NCK1: variants seen among roughly 807,000 people sequenced by gnomAD.
The protein encoded by NCK1 is NCK adaptor protein 1, also known as SH2/SH3 adapter protein NCK1.
A neutral mutation model predicts 36.6 loss-of-function variants in NCK1; 19 were observed. The ratio of observed to expected loss-of-function variants is 0.52; its 90% CI spans 0.36 to 0.76. The LOEUF is 0.76. Ranked by LOEUF, NCK1 falls within the 30% of genes least tolerant of loss-of-function variation. The pLI is 0.00. For missense variants in NCK1, 358 were observed against 445.6 expected (o/e 0.80, Z 1.77); for synonymous variants, 165 against 156.0 (o/e 1.06, Z -0.43).
chr3:136,873,699 G>A (rs1303419009), intron 1 of NCK1, among the ~76,000 whole-genome samples: 1 of 152,106 alleles, frequency 6.6e-6, no homozygotes, highest in African/African-American at 2.4e-5. Context: ...CTGGTGGGAG[G>A]TAATTGAATC....
chr3:136,895,500 G>A (rs181365082), intron 1 of NCK1, among the ~76,000 whole-genome samples: 6 of 151,578 alleles, frequency 4.0e-5, no homozygotes, highest in Admixed American at 3.3e-4. Flanking sequence ...TCTTTTCTCT[G>A]TTAATGTTTT....
chr3:136,922,785 A>G (rs1313842130), intron 1 of NCK1, among the ~76,000 whole-genome samples: 1 of 152,232 alleles, frequency 6.6e-6, no homozygotes, highest in Non-Finnish European at 1.5e-5. Flanking sequence ...TCACAAAATT[A>G]TACAAACTTT....
At chr3:136,888,356 A>G (rs73231937) in intron 1 of NCK1, among the ~76,000 whole-genome samples, 10,922 of 152,196 alleles carry the variant, frequency 0.072, 432 homozygotes, top group Non-Finnish European at 0.095. Flanking sequence ...AAAGTATACA[A>G]TTCAGCTTTT....
intron 2 of NCK1, among the ~76,000 whole-genome samples, chr3:136,943,219 T>C (rs1402048712): frequency 6.6e-6 from 1 of 152,250 alleles, no homozygotes; most frequent in Non-Finnish European, 1.5e-5. Context: ...TTGCATTCAT[T>C]GCTTTTTGCA....
Position 136,870,028 on chromosome 3 carries a change from GT to G in NCK1, c.-19+7697del, listed in dbSNP as rs749807329. 3.5e-3 allele frequency among the ~76,000 whole-genome samples: 339 copies of G among 96,810 alleles called. 1 individual carries two copies. Among genetic ancestry groups the G allele is most frequent in the African/African-American group, 0.011 (262 of 23,812 alleles). The allele number at this position is 96,810 out of a possible 152,430, so 63.5% of individuals were successfully genotyped here. Reference sequence around the variant, plus strand: ...TTAAAAGAATGGATGTTTCTCAAAAGTTTTTTTTTTTTTTTTTTTTTTAAAA... The same window carrying G: ...TTAAAAGAATGGATGTTTCTCAAAAGTTTTTTTTTTTTTTTTTTTTTAAAA... On this transcript the variant is annotated intron_variant, in intron 1 of 3. Coordinates refer to ENST00000481752, the MANE Select transcript of NCK1 (RefSeq NM_001291999.2).
At chr3:136,932,073 T>C (rs1430499898) in intron 2 of NCK1, among the ~76,000 whole-genome samples, 7 of 148,730 alleles carry the variant, frequency 4.7e-5, no homozygotes, top group African/African-American at 1.2e-4. Context: ...GAGCCAAGAT[T>C]GTGCCACTGC....
chr3:136,888,071 A>G (rs551769519), intron 1 of NCK1, among the ~76,000 whole-genome samples: 3 of 151,526 alleles, frequency 2.0e-5, no homozygotes, highest in South Asian at 2.1e-4. Flanking sequence ...CAGCCTCCCA[A>G]GTTGCTGGGA....
chr3:136,929,222 C>A (rs1414035227), intron 2 of NCK1, among the ~76,000 whole-genome samples: 9 of 152,152 alleles, frequency 5.9e-5, no homozygotes, highest in Non-Finnish European at 1.0e-4. Flanking sequence ...TGCTTACTAC[C>A]ATACCCAGCT....
chr3:136,888,302 G>A (rs1245734161), intron 1 of NCK1, among the ~76,000 whole-genome samples: 1 of 152,070 alleles, frequency 6.6e-6, no homozygotes, highest in African/African-American at 2.4e-5. Flanking sequence ...TTAAAAAAAG[G>A]TTTTATTGAG....
chr3:136,933,566 C>T (rs935237711), intron 2 of NCK1, among the ~76,000 whole-genome samples: 7 of 151,758 alleles, frequency 4.6e-5, no homozygotes, highest in African/African-American at 1.5e-4. Context: ...ATTATCTTTA[C>T]ACTTTTTTTT....
At chr3:136,934,027 A>G (rs547393129) in intron 2 of NCK1, among the ~76,000 whole-genome samples, 1 of 152,148 alleles carries the variant, frequency 6.6e-6, no homozygotes, top group African/African-American at 2.4e-5. Flanking sequence ...TAATTTTGAA[A>G]ATTAAACACC....
At chr3:136,929,939 C>T (rs1370389515) in intron 2 of NCK1, among the ~76,000 whole-genome samples, 1 of 152,134 alleles carries the variant, frequency 6.6e-6, no homozygotes, top group East Asian at 1.9e-4. Context: ...GTTATTGAGA[C>T]AGTTTTATCA....
At chr3:136,939,417 G>A (rs1175276607) in intron 2 of NCK1, among the ~76,000 whole-genome samples, 1 of 151,896 alleles carries the variant, frequency 6.6e-6, no homozygotes, top group East Asian at 1.9e-4. Flanking sequence ...CCACATTTTG[G>A]TTTTGTTGAT....
At chr3:136,887,319 C>A (rs114031271) in intron 1 of NCK1, among the ~76,000 whole-genome samples, 1 of 152,102 alleles carries the variant, frequency 6.6e-6, no homozygotes, top group African/African-American at 2.4e-5. Flanking sequence ...AGGAGTGCAC[C>A]GCCATGCTCA....
At position 136,948,605 on chromosome 3, in the gene NCK1, C is replaced by T. The variant is rs769765192; in HGVS notation, c.*152C>T. The T allele has an allele frequency of 2.7e-4, 174 of 648,130 alleles. No homozygotes were observed. Among genetic ancestry groups the T allele is most frequent in the Non-Finnish European group, 4.2e-4 (159 of 378,320 alleles). 40.1% of individuals were successfully genotyped at this position (648,130 alleles called of 1,614,324 possible). On this transcript the variant is annotated 3_prime_UTR_variant, in exon 4 of 4. Coordinates refer to ENST00000481752, the MANE Select transcript of NCK1 (RefSeq NM_001291999.2). ...TAAGTATTTTTATTATAACTCAGCC[C>T]ATACATATATACTATGTATGCAGTG...
At position 136,932,401 on chromosome 3, in the gene NCK1, A is replaced by G. The variant is rs567344793; in HGVS notation, c.226+4174A>G. ...TGAATGGGCTTATAAAGTAGAAGAA[A>G]CAGAGTATTATGTGCTTTTTGTGTG... On this transcript the variant is annotated intron_variant, in intron 2 of 3. Transcript: ENST00000481752. Among the ~76,000 whole-genome samples the G allele has an allele frequency of 1.1e-3, 164 of 152,348 alleles. 1 individual carries two copies. The highest frequency in any genetic ancestry group is 4.1e-4 in the Non-Finnish European group (28 of 68,034).
intron 1 of NCK1, among the ~76,000 whole-genome samples, chr3:136,908,179 GCAAA>G: frequency 6.6e-6 from 1 of 152,270 alleles, no homozygotes. Context: ...CTTTATAATA[GCAAA>G]ATAGTCTGTT....
At chr3:136,896,040 C>A (rs539964462) in intron 1 of NCK1, among the ~76,000 whole-genome samples, 2 of 151,942 alleles carry the variant, frequency 1.3e-5, no homozygotes, top group South Asian at 4.1e-4. Flanking sequence ...TACATATTTA[C>A]GAGGCACATG....
chr3:136,921,946 G>T (rs766103903), intron 1 of NCK1, among the ~76,000 whole-genome samples: 1 of 152,142 alleles, frequency 6.6e-6, no homozygotes, highest in Non-Finnish European at 1.5e-5. Flanking sequence ...ACCACGCCCA[G>T]CTAATTTTAT....
Sources: allele counts gnomAD v4.1 joint callset (sites outside exome capture counted in the v4.1 genomes callset), GRCh38; gene constraint gnomAD v4.1.1; transcripts MANE v1.5; gene names NCBI Gene and HGNC (gene_info 2026-07-23, HGNC 2026-07-21).